The following SYT1 variants were observed in gnomAD, a reference collection of about 807,000 sequenced individuals.
SYT1 encodes synaptotagmin 1, also known as synaptotagmin-1.
In SYT1, 8 loss-of-function variants were observed where a neutral mutation model predicts 44.8. The observed-to-expected ratio is 0.18, with a 90% confidence interval of 0.10 to 0.32. The LOEUF is 0.32. SYT1 is among the 10% of genes least tolerant of loss of function. The pLI is 1.00. For missense variants in SYT1, 286 were observed against 509.3 expected, an observed-to-expected ratio of 0.56 and a Z score of 4.22; for synonymous variants, 154 against 188.8, an observed-to-expected ratio of 0.82 and a Z score of 1.51.
intron 3 of SYT1, among the ~76,000 whole-genome samples, chr12:79,131,853 G>A (rs1232829212): frequency 6.6e-6 from 1 of 152,214 alleles, no homozygotes; most frequent in East Asian, 1.9e-4. Flanking sequence ...AGGAATATGA[G>A]TATGATGAAA....
intron 2 of SYT1, among the ~76,000 whole-genome samples, chr12:79,026,982 A>G (rs988816100): frequency 6.6e-6 from 1 of 151,498 alleles, no homozygotes; most frequent in Non-Finnish European, 1.5e-5. Context: ...GCCGTTATAG[A>G]AAACAGTGTG....
intron 3 of SYT1, among the ~76,000 whole-genome samples, chr12:79,066,427 C>T (rs1476500666): frequency 6.6e-6 from 1 of 150,766 alleles, no homozygotes; most frequent in African/African-American, 2.4e-5. Context: ...AAATCTTAAA[C>T]TTACAATTTT....
intron 9 of SYT1, among the ~76,000 whole-genome samples, chr12:79,368,360 G>A (rs1242446794): frequency 2.0e-5 from 3 of 152,034 alleles, no homozygotes; most frequent in South Asian, 2.1e-4. Flanking sequence ...ATAAACATAC[G>A]TGTGCATGTG....
chr12:79,148,241 G>A (rs1870046506), intron 3 of SYT1, among the ~76,000 whole-genome samples: 1 of 151,996 alleles, frequency 6.6e-6, no homozygotes, highest in South Asian at 2.1e-4. Context: ...TTTTTTTGAA[G>A]CATCATTATG....
At chr12:79,253,157 GC>G (rs1877316413) in intron 4 of SYT1, among the ~76,000 whole-genome samples, 1 of 151,990 alleles carries the variant, frequency 6.6e-6, no homozygotes, top group Non-Finnish European at 1.5e-5. Flanking sequence ...CTATAAGCTT[GC>G]CACATTTTAT....
At chr12:79,375,981 A>C (rs1191748009) in intron 9 of SYT1, among the ~76,000 whole-genome samples, 1 of 152,236 alleles carries the variant, frequency 6.6e-6, no homozygotes, top group Non-Finnish European at 1.5e-5. Flanking sequence ...CTTGGAATAA[A>C]GTCATAAAGA....
chr12:79,205,486 A>G (rs1441936828), intron 3 of SYT1, among the ~76,000 whole-genome samples: 1 of 152,214 alleles, frequency 6.6e-6, no homozygotes, highest in Non-Finnish European at 1.5e-5. Context: ...TGAATGCGTA[A>G]TAAGTGGATT....
intron 2 of SYT1, among the ~76,000 whole-genome samples, chr12:78,983,378 T>C (rs1403458096): frequency 2.0e-5 from 3 of 152,088 alleles, no homozygotes; most frequent in Non-Finnish European, 4.4e-5. Flanking sequence ...TCTTTTCTTA[T>C]CATGAGATTT....
At chr12:79,183,397 G>A (rs987847075) in intron 3 of SYT1, among the ~76,000 whole-genome samples, 1 of 151,956 alleles carries the variant, frequency 6.6e-6, no homozygotes, top group Non-Finnish European at 1.5e-5. Flanking sequence ...GCCCCCAGGG[G>A]ACATGGGCAA....
At chr12:79,050,722 G>A (rs1421767637) in intron 3 of SYT1, among the ~76,000 whole-genome samples, 1 of 152,036 alleles carries the variant, frequency 6.6e-6, no homozygotes, top group Non-Finnish European at 1.5e-5. Flanking sequence ...TGATTCTAAT[G>A]GAAGGCAGAT....
intron 9 of SYT1, among the ~76,000 whole-genome samples, chr12:79,403,322 A>G (rs1367214070): frequency 6.6e-6 from 1 of 152,128 alleles, no homozygotes; most frequent in Non-Finnish European, 1.5e-5. Flanking sequence ...GAACTGGCTC[A>G]TTCAATTTTA....
chr12:79,351,497 C>T (rs540592064), intron 8 of SYT1, among the ~76,000 whole-genome samples: 22 of 151,920 alleles, frequency 1.4e-4, no homozygotes, highest in Admixed American at 9.2e-4. Context: ...ACAATCAGTT[C>T]CCCAAGGAGG....
intron 3 of SYT1, among the ~76,000 whole-genome samples, chr12:79,134,150 A>G (rs1009151147): frequency 2.6e-5 from 4 of 152,192 alleles, no homozygotes; most frequent in African/African-American, 9.7e-5. Context: ...TTTAAGTGTA[A>G]AAGTTTTAAA....
chr12:78,930,281 C>A (rs1877562464), intron 1 of SYT1, among the ~76,000 whole-genome samples: 1 of 151,916 alleles, frequency 6.6e-6, no homozygotes, highest in South Asian at 2.1e-4. Context: ...TATAAATACA[C>A]ACAATTATTA....
At chr12:79,005,128 C>G (rs960926055) in intron 2 of SYT1, among the ~76,000 whole-genome samples, 1 of 151,958 alleles carries the variant, frequency 6.6e-6, no homozygotes, top group African/African-American at 2.4e-5. Context: ...ATTTTATTTT[C>G]CTTAGCTATA....
chr12:79,370,570 G>A (rs550596101), intron 9 of SYT1, among the ~76,000 whole-genome samples: 4 of 152,160 alleles, frequency 2.6e-5, no homozygotes, highest in African/African-American at 9.6e-5. Flanking sequence ...GGACCATCCT[G>A]GCTAAAACGG....
intron 1 of SYT1, among the ~76,000 whole-genome samples, chr12:78,921,909 T>C (rs956767129): frequency 2.2e-4 from 33 of 151,898 alleles, no homozygotes; most frequent in African/African-American, 8.0e-4. Context: ...CATACTTTTG[T>C]GCTGGATGAA....
intron 8 of SYT1, among the ~76,000 whole-genome samples, chr12:79,308,105 AC>A (rs1389749888): frequency 6.6e-6 from 1 of 152,206 alleles, no homozygotes; most frequent in Non-Finnish European, 1.5e-5. Flanking sequence ...AACACCTGGA[AC>A]AGAGGACAGA....
intron 3 of SYT1, among the ~76,000 whole-genome samples, chr12:79,104,077 G>A (rs1455425342): frequency 6.6e-6 from 1 of 151,262 alleles, no homozygotes; most frequent in East Asian, 1.9e-4. Context: ...GGAAAATAGT[G>A]TTTTTCTTGC....
Sources: allele counts gnomAD v4.1 joint callset (sites outside exome capture counted in the v4.1 genomes callset), GRCh38; gene constraint gnomAD v4.1.1; transcripts MANE v1.5; gene names NCBI Gene and HGNC (gene_info 2026-07-23, HGNC 2026-07-21).